LTA4H: variants seen among roughly 807,000 people sequenced by gnomAD.
LTA4H encodes leukotriene A-4 hydrolase.
In LTA4H, 59 loss-of-function variants were observed where a neutral mutation model predicts 89.8. The observed-to-expected ratio is 0.66, with a 90% CI of 0.53 to 0.82. The LOEUF is 0.82. LTA4H is among the 40% of genes least tolerant of loss of function. LTA4H has a pLI of 0.00. For missense variants in LTA4H, 617 were observed against 727.0 expected (o/e 0.85, Z 1.74); for synonymous variants, 227 against 253.1 (o/e 0.90, Z 0.98).
rs1950470189 is a variant in LTA4H at position 96,022,854 on chromosome 12, T to C, written c.481-603A>G. On this transcript the variant is annotated intron_variant, in intron 4 of 18. Transcript: ENST00000228740. The surrounding 1 kb of genome is among the most constrained non-coding windows in gnomAD (Gnocchi z 4.0). ...AAAACAGATTCAAAAGGACGTTATA[T>C]ACTCACTGTAGGACAGAATGGTTTT... is the stretch of plus-strand genomic sequence containing the variant. 6.6e-6 allele frequency among the ~76,000 whole-genome samples: 1 copy of C among 152,220 alleles called. No homozygotes were observed. Among genetic ancestry groups the C allele is most frequent in the Non-Finnish European group, 1.5e-5 (1 of 68,046 alleles).
At chr12:96,023,937 GT>G (rs111331702) in intron 4 of LTA4H, among the ~76,000 whole-genome samples, 11 of 147,092 alleles carry the variant, frequency 7.5e-5, no homozygotes, top group African/African-American at 1.7e-4. Context: ...TGTTTTTTGG[GT>G]TTTTTTTTTG....
intron 2 of LTA4H, 27 bp downstream of exon 2, chr12:96,029,028 A>G (rs1443942615): frequency 5.3e-6 from 8 of 1,523,676 alleles, no homozygotes; most frequent in Non-Finnish European, 7.0e-6. Flanking sequence ...ATTTAGCTGT[A>G]AAAGAGAAAG....
intron 12 of LTA4H, 86 bp from the exon 13 acceptor site, chr12:96,013,939 CACAGAGA>C (rs764170410): frequency 3.1e-6 from 2 of 643,886 alleles, no homozygotes; most frequent in Non-Finnish European, 2.8e-6. Flanking sequence ...TACTATTAAC[CACAGAGA>C]ACAGAGAACA....
chr12:96,038,683 A>T (rs1181448041), upstream of LTA4H, among the ~76,000 whole-genome samples: 4 of 151,500 alleles, frequency 2.6e-5, no homozygotes, highest in Non-Finnish European at 5.9e-5. Context: ...AGAGCCGCAA[A>T]CATTTTTTGA....
chr12:96,015,061 G>C, intron 11 of LTA4H, 62 bp from the exon 12 acceptor site: 1 of 1,494,106 alleles, frequency 6.7e-7, no homozygotes, highest in Non-Finnish European at 9.2e-7. Context: ...ACGCAAATAA[G>C]CTAATAAGGA....
rs1325385412 is a variant in LTA4H at position 96,014,997 on chromosome 12, T to C, written c.1062A>G (p.Val354=). The part of the protein sequence containing the change: ...LGGWGELQNS[V]KTFGETHPFT... The stretch of plus-strand genomic sequence containing the variant: ...AAGGATGTGTCTCCCCAAATGTCTT[T>C]ACCTGCAAGACATGAAATAACATGG... The change falls in exon 12 of 19, where the codon GTA becomes GTG. Residue 354 remains valine (V), a splice_region_variant and synonymous_variant. Transcript: ENST00000228740. The C allele has an allele frequency of 4.4e-6, 7 of 1,607,918 alleles. No homozygotes were observed. The Admixed American group carries it at 1.2e-4, about 27-fold the overall frequency.
At chr12:96,010,312 C>G (rs1420296541) in intron 14 of LTA4H, 1 of 152,156 alleles carries the variant, frequency 6.6e-6, no homozygotes, top group African/African-American at 2.4e-5. Context: ...GTGCCTTGTT[C>G]TCATGGTGCT....
chr12:96,038,218 G>C (rs972306204), upstream of LTA4H, among the ~76,000 whole-genome samples: 1 of 152,042 alleles, frequency 6.6e-6, no homozygotes, highest in Non-Finnish European at 1.5e-5. Context: ...ACGAAATTTA[G>C]CTCCAGCAAC....
At chr12:96,018,269 G>A (rs1407466043) in intron 8 of LTA4H, among the ~76,000 whole-genome samples, 1 of 152,152 alleles carries the variant, frequency 6.6e-6, no homozygotes, top group Non-Finnish European at 1.5e-5. Context: ...ACAAGATGGA[G>A]GCCTGGTGGG....
At chr12:96,028,297 T>C (rs1017161510) in intron 2 of LTA4H, among the ~76,000 whole-genome samples, 9 of 152,144 alleles carry the variant, frequency 5.9e-5, no homozygotes, top group African/African-American at 2.2e-4. Flanking sequence ...TTATTTGACC[T>C]CCCTATGCCA....
chr12:96,038,245 T>C (rs1265927342), upstream of LTA4H, among the ~76,000 whole-genome samples: 1 of 152,138 alleles, frequency 6.6e-6, no homozygotes, highest in Admixed American at 6.5e-5. Flanking sequence ...AAAAAACTGC[T>C]ATATTTCTGG....
In LTA4H at chr12:96,021,117, C is replaced by A. The variant is rs781753718; in HGVS notation, c.606G>T (p.Leu202=). 1 of 1,600,418 alleles carries A rather than the reference C, an allele frequency of 6.2e-7. No individual in the cohort carries two copies. Among genetic ancestry groups the A allele is most frequent in the South Asian group, 1.1e-5 (1 of 88,430 alleles). Residue 202 remains leucine (L), a synonymous_variant, in exon 6 of 19, where the codon CTG becomes CTT. Coordinates refer to ENST00000228740, the MANE Select transcript of LTA4H (RefSeq NM_000895.3). ...FIQKVPIPCY[L]IALVVGALES... is the part of the protein sequence containing the mutation. ...CTAAAGCTCCAACAACTAAAGCAAT[C>A]AGGTAGCAGGGTATTGGAACCTAAA...
At chr12:96,024,323 T>C (rs1392666400) in intron 4 of LTA4H, among the ~76,000 whole-genome samples, 156 bp downstream of exon 4, 1 of 152,214 alleles carries the variant, frequency 6.6e-6, no homozygotes, top group Non-Finnish European at 1.5e-5. Context: ...AGATTCAGAA[T>C]GAGTGCCACA....
intron 16 of LTA4H, among the ~76,000 whole-genome samples, chr12:96,005,835 G>A (rs913340687): frequency 1.2e-4 from 18 of 149,394 alleles, no homozygotes; most frequent in South Asian, 8.6e-4. Flanking sequence ...TGCAACCTCC[G>A]CCTCCCAGTC....
At chr12:96,034,780 T>C (rs1401583478) in intron 1 of LTA4H, among the ~76,000 whole-genome samples, 1 of 152,078 alleles carries the variant, frequency 6.6e-6, no homozygotes, top group Non-Finnish European at 1.5e-5. Flanking sequence ...GGATGGGTGG[T>C]GCCCTGCAGA....
intron 1 of LTA4H, among the ~76,000 whole-genome samples, chr12:96,041,092 A>G (rs1213944881): frequency 6.6e-6 from 1 of 152,212 alleles, no homozygotes; most frequent in African/African-American, 2.4e-5. Flanking sequence ...CCAAGGGATT[A>G]AAAGATGAAC....
chr12:96,014,718 A>G (rs1950350739), intron 12 of LTA4H, 137 bp downstream of exon 12: 2 of 788,438 alleles, frequency 2.5e-6, no homozygotes, highest in Non-Finnish European at 1.9e-6. Context: ...CTCAGAAAAC[A>G]ATACAGATTT....
rs1566008527 is a variant in LTA4H, at chr12:96,015,570, T to C, written c.1059+13A>G. 6.3e-7 allele frequency: 1 copy of C among 1,577,970 alleles called. No homozygotes were observed. The highest frequency in any genetic ancestry group is 8.7e-7 in the Non-Finnish European group (1 of 1,149,840). On this transcript the variant is annotated intron_variant, in intron 11 of 18. Transcript: ENST00000228740. ...ACTTTGGATGAAGGTTTTTAAAACT[T>C]TGACTCCTTTACCGAATTCTGTAGT...
At chr12:96,016,929 G>T in intron 10 of LTA4H, 115 bp downstream of exon 10, 1 of 741,636 alleles carries the variant, frequency 1.3e-6, no homozygotes, top group East Asian at 2.5e-5. Context: ...GCCTACCTAA[G>T]AGATGATAAC....
Sources: gnomAD v4.1 joint callset for allele counts (sites outside exome capture counted in the v4.1 genomes callset) on GRCh38, gnomAD v4.1.1 for gene constraint, Gnocchi (gnomAD v3.1) non-coding constraint, MANE v1.5 for transcripts, NCBI Gene and HGNC (gene_info 2026-07-23, HGNC 2026-07-21) for gene names.